SMAD2: variants seen among roughly 807,000 people sequenced by gnomAD.
The protein encoded by SMAD2 is SMAD family member 2, also known as MAD homolog 2.
In SMAD2, 8 loss-of-function variants were observed where a neutral mutation model predicts 64.4. The ratio of observed to expected loss-of-function variants is 0.12; its 90% CI spans 0.07 to 0.22. The LOEUF (loss-of-function observed/expected upper bound fraction) is 0.22, where lower values mean the gene tolerates loss of function less well. Ranked by LOEUF, SMAD2 falls within the 10% of genes least tolerant of loss-of-function variation. The pLI is 1.00. For missense variants in SMAD2, 289 were observed against 561.2 expected, an observed-to-expected ratio of 0.51 and a Z score of 4.90; for synonymous variants, 203 against 195.8, an observed-to-expected ratio of 1.04 and a Z score of -0.31.
chr18:47,908,761 A>G (rs146081159), intron 1 of SMAD2, among the ~76,000 whole-genome samples: 41 of 152,330 alleles, frequency 2.7e-4, no homozygotes, highest in African/African-American at 8.7e-4. Context: ...GCGAGTATCC[A>G]CTGTGTGAGG....
chr18:47,927,443 A>C (rs1372880481), intron 1 of SMAD2, among the ~76,000 whole-genome samples: 2 of 152,210 alleles, frequency 1.3e-5, no homozygotes, highest in Non-Finnish European at 2.9e-5. Context: ...GTCTTACTCT[A>C]AACACTGGAG....
rs1568031229 is a variant in SMAD2 at position 47,841,741 on chromosome 18, G to C, written c.*86C>G. The C allele has an allele frequency of 6.6e-7, 1 of 1,519,448 alleles. No homozygotes were observed. Among genetic ancestry groups the C allele is most frequent in the African/African-American group, 1.4e-5 (1 of 73,146 alleles). The allele number at this position is 1,519,448 out of a possible 1,614,324, so 94.1% of individuals were successfully genotyped here. A position where few individuals can be genotyped will look rare whatever the true frequency, so the allele number is the denominator to read the frequency against. On this transcript the variant is annotated 3_prime_UTR_variant, in exon 11 of 11. Coordinates refer to ENST00000262160, the MANE Select transcript of SMAD2 (RefSeq NM_005901.6). Reference sequence around the variant, plus strand: ...GTTTTCTCTCTTGAACTTTTGGATAGTAAACAGTCCATAGGGACCACACAC... The same window carrying C: ...GTTTTCTCTCTTGAACTTTTGGATACTAAACAGTCCATAGGGACCACACAC...
chr18:47,898,426 C>CA (rs1260618972), intron 1 of SMAD2, among the ~76,000 whole-genome samples: 2 of 151,902 alleles, frequency 1.3e-5, no homozygotes, highest in African/African-American at 2.4e-5. Context: ...TATGTGTGTA[C>CA]AAAAAACTGG....
rs143797960 is a variant in SMAD2 at position 47,836,491 on chromosome 18, G to C, written c.*5336C>G. On this transcript the variant is annotated 3_prime_UTR_variant, in exon 11 of 11. Coordinates refer to ENST00000262160, the MANE Select transcript of SMAD2 (RefSeq NM_005901.6). Reference sequence around the variant, plus strand: ...TAATGTACTCCAATGGTCTGTCCATGAAAGGAAAATGTACACAGACAAATT... The same window carrying C: ...TAATGTACTCCAATGGTCTGTCCATCAAAGGAAAATGTACACAGACAAATT... 173 of 220,268 alleles carry C rather than the reference G, an allele frequency of 7.9e-4. 1 individual carries two copies. The highest frequency in any genetic ancestry group is 1.3e-3 in the Non-Finnish European group (139 of 109,988). 13.6% of individuals were successfully genotyped at this position (220,268 alleles called of 1,614,324 possible).
rs1913948663 is a variant in SMAD2, at chr18:47,841,477, T to C, written c.*350A>G. 2.0e-5 allele frequency: 8 copies of C among 393,628 alleles called. No homozygotes were observed. In the South Asian group the frequency reaches 2.6e-4, roughly 13 times the overall value. 24.4% of individuals were successfully genotyped at this position (393,628 alleles called of 1,614,324 possible). A position where few individuals can be genotyped will look rare whatever the true frequency, so the allele number is the denominator to read the frequency against. ...CATCTATGCAAACTAAAAATGTATA[T>C]AAACAGCACAATACTGTGATACTGG... On this transcript the variant is annotated 3_prime_UTR_variant, in exon 11 of 11. Transcript: ENST00000262160.
chr18:47,849,344 C>T (rs938338476), intron 7 of SMAD2, among the ~76,000 whole-genome samples: 1 of 151,856 alleles, frequency 6.6e-6, no homozygotes, highest in African/African-American at 2.4e-5. Context: ...TGCAGTTTGA[C>T]TAAAACATAT....
intron 6 of SMAD2, among the ~76,000 whole-genome samples, chr18:47,863,772 T>C (rs141277089): frequency 5.9e-5 from 9 of 152,362 alleles, no homozygotes; most frequent in African/African-American, 1.9e-4. Context: ...TACAAGTTTT[T>C]GAGTAGACAT....
chr18:47,814,039 A>G lies in SMAD2; in HGVS notation c.*27788T>C, dbSNP rs1311244960. On this transcript the variant is annotated 3_prime_UTR_variant, in exon 11 of 11. Coordinates refer to ENST00000262160, the MANE Select transcript of SMAD2 (RefSeq NM_005901.6). ...TTGGCTTTGAGGAATAAAGAGTTTT[A>G]TATCAGGGCATCAAGAGAAGGATAT... is the stretch of plus-strand genomic sequence containing the variant. 1 of 152,168 alleles carries G rather than the reference A, an allele frequency of 6.6e-6. No homozygotes were observed. The highest frequency in any genetic ancestry group is 1.5e-5 in the Non-Finnish European group (1 of 68,046). The allele number at this position is 152,168 out of a possible 1,614,324, so 9.4% of individuals were successfully genotyped here.
At position 47,838,996 on chromosome 18, in the gene SMAD2, C is replaced by T. The variant is rs1913688047; in HGVS notation, c.*2831G>A. On this transcript the variant is annotated 3_prime_UTR_variant, in exon 11 of 11. Transcript: ENST00000262160. The stretch of plus-strand genomic sequence containing the variant: ...CTATCACTTAGAAAAATGAAAACCA[C>T]ACCTATAAATGGGGGGAGGGGCAGA... The T allele has an allele frequency of 4.4e-6, 1 of 225,884 alleles. No individual in the cohort carries two copies. Among genetic ancestry groups the T allele is most frequent in the African/African-American group, 2.3e-5 (1 of 42,824 alleles). 14.0% of individuals were successfully genotyped at this position (225,884 alleles called of 1,614,324 possible). A position where few individuals can be genotyped will look rare whatever the true frequency, so the allele number is the denominator to read the frequency against.
intron 1 of SMAD2, among the ~76,000 whole-genome samples, chr18:47,922,883 C>T (rs2034617488): frequency 6.6e-6 from 1 of 152,180 alleles, no homozygotes. Flanking sequence ...CCTAGGTCGG[C>T]CCCCATGGAG....
intron 2 of SMAD2, among the ~76,000 whole-genome samples, chr18:47,882,834 A>T (rs2032686994): frequency 6.6e-6 from 1 of 152,204 alleles, no homozygotes; most frequent in South Asian, 2.1e-4. Context: ...TTCTTCATGC[A>T]TCAGCTGGGG....
At chr18:47,850,685 TAA>T (rs2029875801) in intron 7 of SMAD2, among the ~76,000 whole-genome samples, 2 of 36,036 alleles carry the variant, frequency 5.6e-5, no homozygotes, top group Non-Finnish European at 8.8e-5. Context: ...ATTATATATA[TAA>T]TGTATAATAT....
At chr18:47,912,123 C>T (rs1447482798) in intron 1 of SMAD2, 1 of 152,104 alleles carries the variant, frequency 6.6e-6, no homozygotes, top group Admixed American at 6.5e-5. Context: ...AGCATGTTTT[C>T]TAAAGACAGG....
Position 47,896,665 on chromosome 18 carries a change from C to T in SMAD2, c.92G>A (p.Gly31Glu). The T allele has an allele frequency of 6.2e-7, 1 of 1,614,158 alleles. No homozygotes were observed. Among genetic ancestry groups the T allele is most frequent in the Non-Finnish European group, 8.5e-7 (1 of 1,180,022 alleles). ...CTTTTCTTCCTGCCCATTCTGCTCT[C>T]CTCCGCCTGCTCCTCCAGACCCACC... ...SAGGSGGAGGGEQNGQEEKWC... is the reference protein window; with the variant it reads ...SAGGSGGAGGEEQNGQEEKWC... The change falls in exon 2 of 11, where the codon GGA becomes GAA. Residue 31 changes from glycine (G) to glutamate (E), a missense_variant. Around this residue, in one of 6 missense-constraint regions of SMAD2, gnomAD observed 89 missense variants for 137.1 expected, o/e 0.65. Transcript: ENST00000262160.
At chr18:47,894,422 C>T (rs1486268328) in intron 2 of SMAD2, among the ~76,000 whole-genome samples, 1 of 152,218 alleles carries the variant, frequency 6.6e-6, no homozygotes. Flanking sequence ...AGTGTGAACA[C>T]TGGCACAGCA....
Position 47,837,751 on chromosome 18 carries a change from GAGTA to G in SMAD2, c.*4072_*4075del, listed in dbSNP as rs1913567519. ...GTCTAAGTATCAATGCCTTCGATCA[GAGTA>G]AGAAAAAAGTATTCATTGTTCATGT... On this transcript the variant is annotated 3_prime_UTR_variant, in exon 11 of 11. Coordinates refer to ENST00000262160, the MANE Select transcript of SMAD2 (RefSeq NM_005901.6). 1.3e-5 allele frequency: 3 copies of G among 232,920 alleles called. No homozygotes were observed. The South Asian group carries it at 5.4e-4, about 42-fold the overall frequency. 14.4% of individuals were successfully genotyped at this position (232,920 alleles called of 1,614,324 possible). A position where few individuals can be genotyped will look rare whatever the true frequency, so the allele number is the denominator to read the frequency against.
chr18:47,903,243 C>T (rs1183806011), intron 1 of SMAD2, among the ~76,000 whole-genome samples: 10 of 151,864 alleles, frequency 6.6e-5, no homozygotes. Flanking sequence ...ATTGATCTAC[C>T]GAGGCTGAAA....
chr18:47,879,938 C>T (rs961601796), intron 2 of SMAD2, among the ~76,000 whole-genome samples: 4 of 152,054 alleles, frequency 2.6e-5, no homozygotes, highest in Non-Finnish European at 5.9e-5. Flanking sequence ...TGAAGCCTAC[C>T]GATATTACAC....
chr18:47,861,444 G>C (rs75508272), intron 6 of SMAD2, among the ~76,000 whole-genome samples: 3 of 152,074 alleles, frequency 2.0e-5, no homozygotes, highest in Non-Finnish European at 4.4e-5. Context: ...AAGAATGCAG[G>C]AGAAAAGAAT....
Sources: gnomAD v4.1 joint callset for allele counts (sites outside exome capture counted in the v4.1 genomes callset) on GRCh38, gnomAD v4.1.1 for gene constraint, gnomAD v4.1.1 regional missense constraint, MANE v1.5 for transcripts, NCBI Gene and HGNC (gene_info 2026-07-23, HGNC 2026-07-21) for gene names.